GNG12: variants seen among roughly 807,000 people sequenced by gnomAD.
The protein encoded by GNG12 is G protein subunit gamma 12.
For synonymous variants in GNG12, 28 were observed against 29.7 expected (o/e 0.94, Z 0.19); for missense variants, 69 against 83.8 (o/e 0.82, Z 0.69).
chr1:67,812,552 T>C (rs1388548004), intron 1 of GNG12, among the ~76,000 whole-genome samples: 1 of 151,902 alleles, frequency 6.6e-6, no homozygotes, highest in Non-Finnish European at 1.5e-5. Flanking sequence ...TCTTGAGAGG[T>C]AGGAGGGGAG....
At chr1:67,821,965 A>T (rs1646987362) in intron 1 of GNG12, among the ~76,000 whole-genome samples, 1 of 152,082 alleles carries the variant, frequency 6.6e-6, no homozygotes, top group Non-Finnish European at 1.5e-5. Flanking sequence ...CTCAAGCTCT[A>T]AACCAGGGGT....
chr1:67,723,375 G>C (rs1488780175), intron 2 of GNG12, among the ~76,000 whole-genome samples: 1 of 152,194 alleles, frequency 6.6e-6, no homozygotes, highest in East Asian at 1.9e-4. Context: ...AACAGAGGGA[G>C]TGTTAGGGAG....
At chr1:67,727,409 A>G (rs921361535) in intron 2 of GNG12, among the ~76,000 whole-genome samples, 4 of 152,238 alleles carry the variant, frequency 2.6e-5, no homozygotes, top group Admixed American at 6.5e-5. Flanking sequence ...AATAAATGAC[A>G]TGTGTTTATA....
chr1:67,770,881 G>A (rs552834987), intron 2 of GNG12, among the ~76,000 whole-genome samples: 17 of 152,306 alleles, frequency 1.1e-4, no homozygotes, highest in African/African-American at 3.8e-4. Flanking sequence ...TTGGTGGCTG[G>A]ATGGAGGGAA....
chr1:67,758,131 C>T (rs991466783), intron 2 of GNG12, among the ~76,000 whole-genome samples: 6 of 152,108 alleles, frequency 3.9e-5, no homozygotes, highest in East Asian at 1.9e-4. Context: ...ACGACCACAC[C>T]CCTGGCTAAT....
At chr1:67,718,560 T>C (rs1051066651) in intron 2 of GNG12, among the ~76,000 whole-genome samples, 5 of 152,060 alleles carry the variant, frequency 3.3e-5, no homozygotes, top group African/African-American at 1.2e-4. Flanking sequence ...ACTCTGAAAA[T>C]CTTAAATTCT....
intron 2 of GNG12, among the ~76,000 whole-genome samples, chr1:67,744,507 T>C (rs1175566452): frequency 1.3e-5 from 2 of 152,140 alleles, no homozygotes. Context: ...ACGAAGAACA[T>C]TTGTAAGAAG....
intron 2 of GNG12, among the ~76,000 whole-genome samples, chr1:67,760,140 G>A (rs192917182): frequency 3.3e-5 from 5 of 152,306 alleles, no homozygotes; most frequent in Non-Finnish European, 2.9e-5. Flanking sequence ...TGCTGAGCAT[G>A]TTACATGCAT....
At chr1:67,820,439 A>G (rs1227210735) in intron 1 of GNG12, among the ~76,000 whole-genome samples, 1 of 152,038 alleles carries the variant, frequency 6.6e-6, no homozygotes, top group East Asian at 1.9e-4. Flanking sequence ...AGATGAAGAG[A>G]CAGGGCCTTT....
intron 1 of GNG12, among the ~76,000 whole-genome samples, chr1:67,784,802 C>T (rs145718202): frequency 9.7e-5 from 9 of 92,322 alleles, no homozygotes; most frequent in African/African-American, 3.9e-4. Flanking sequence ...TAATGTGTCA[C>T]AGCTATATTT....
chr1:67,818,409 AG>A (rs1160447026), intron 1 of GNG12, among the ~76,000 whole-genome samples: 23 of 109,916 alleles, frequency 2.1e-4, no homozygotes, highest in Admixed American at 6.0e-4. Context: ...GGGAAAGACC[AG>A]GGGTTTTTTT....
chr1:67,703,267 A>G lies in GNG12; in HGVS notation c.*2184T>C, dbSNP rs1646226115. 1 of 152,170 alleles carries G rather than the reference A, an allele frequency of 6.6e-6. No homozygotes were observed. The highest frequency in any genetic ancestry group is 2.1e-4 in the South Asian group (1 of 4,834). The allele number at this position is 152,170 out of a possible 1,614,324, so 9.4% of individuals were successfully genotyped here. A position where few individuals can be genotyped will look rare whatever the true frequency, so the allele number is the denominator to read the frequency against. The stretch of plus-strand genomic sequence containing the variant: ...CCTCAAGTCCATTTCTTACCACTAT[A>G]AGCATATTAACAGATATATATCAAA... On this transcript the variant is annotated 3_prime_UTR_variant, in exon 4 of 4. Transcript: ENST00000370982.
intron 2 of GNG12, among the ~76,000 whole-genome samples, chr1:67,715,409 T>C (rs1646319790): frequency 6.6e-6 from 1 of 152,210 alleles, no homozygotes; most frequent in Non-Finnish European, 1.5e-5. Context: ...ATGTTAGAGC[T>C]CCAGATGACA....
In GNG12 at chr1:67,833,124, C is replaced by T. The variant is rs147930195; in HGVS notation, c.-77+220G>A. 3.6e-3 allele frequency among the ~76,000 whole-genome samples: 540 copies of T among 151,750 alleles called. 3 individuals are homozygous for T. Among genetic ancestry groups the T allele is most frequent in the Middle Eastern group, 0.014 (4 of 288 alleles). ...TCGGTGTCCCTTGGCCCCTTCCTCC[C>T]CCTCCCCCCGGTCTCCGGCGCCCAG... On this transcript the variant is annotated intron_variant, in intron 1 of 3. Coordinates refer to ENST00000370982, the MANE Select transcript of GNG12 (RefSeq NM_018841.6).
At chr1:67,711,663 G>C (rs187372150) in intron 2 of GNG12, among the ~76,000 whole-genome samples, 2 of 152,230 alleles carry the variant, frequency 1.3e-5, no homozygotes, top group Admixed American at 6.5e-5. Context: ...AGATTTCTGG[G>C]AGAATATTTG....
At chr1:67,805,782 C>T (rs943301185) in intron 1 of GNG12, among the ~76,000 whole-genome samples, 15 of 150,700 alleles carry the variant, frequency 1.0e-4, no homozygotes, top group African/African-American at 2.7e-4. Flanking sequence ...TGTCAGACAC[C>T]AAACCACAGA....
At chr1:67,822,398 AC>A (rs1646989374) in intron 1 of GNG12, among the ~76,000 whole-genome samples, 1 of 151,824 alleles carries the variant, frequency 6.6e-6, no homozygotes. Context: ...GAAGCAGTCA[AC>A]CCCTTTTGAT....
chr1:67,796,810 T>C (rs1570556648), intron 1 of GNG12, among the ~76,000 whole-genome samples: 1 of 151,908 alleles, frequency 6.6e-6, no homozygotes, highest in African/African-American at 2.4e-5. Flanking sequence ...AAAAAAGAGG[T>C]TTATTGGGCT....
intron 2 of GNG12, among the ~76,000 whole-genome samples, chr1:67,710,818 A>T (rs952843787): frequency 6.6e-6 from 1 of 152,140 alleles, no homozygotes; most frequent in Middle Eastern, 3.4e-3. Context: ...CTCCCTTCCA[A>T]TGGGGTATTC....
Sources: allele counts gnomAD v4.1 joint callset (sites outside exome capture counted in the v4.1 genomes callset), GRCh38; gene constraint gnomAD v4.1.1; transcripts MANE v1.5; gene names NCBI Gene and HGNC (gene_info 2026-07-23, HGNC 2026-07-21).